HECTD4: variants seen among roughly 807,000 people sequenced by gnomAD.
The protein encoded by HECTD4 is HECT domain E3 ubiquitin protein ligase 4.
Under a neutral mutation model 471.5 loss-of-function variants are expected in HECTD4, and 114 were observed. The observed-to-expected ratio is 0.24, with a 90% CI of 0.21 to 0.28. The LOEUF (loss-of-function observed/expected upper bound fraction) is 0.28, where lower values mean the gene tolerates loss of function less well. Among genes scored for constraint, HECTD4 ranks in the 10% least tolerant of loss-of-function variants. The pLI, the probability that HECTD4 is intolerant of heterozygous loss-of-function variation, is 1.00. For missense variants in HECTD4, 3,866 were observed against 5,651.5 expected, an observed-to-expected ratio of 0.68 and a Z score of 10.13; for synonymous variants, 2,012 against 2,256.0, an observed-to-expected ratio of 0.89 and a Z score of 3.07.
At chr12:112,376,405 C>T (rs566606442) in intron 1 of HECTD4, among the ~76,000 whole-genome samples, 64 of 152,186 alleles carry the variant, frequency 4.2e-4, no homozygotes, top group Non-Finnish European at 4.6e-4. Flanking sequence ...CGCCACCACG[C>T]CCGGCTAATT....
Position 112,265,226 on chromosome 12 carries a change from C to T in HECTD4, c.2568G>A (p.Lys856=), listed in dbSNP as rs1471502324. 6.2e-7 allele frequency: 1 copy of T among 1,606,144 alleles called. No homozygotes were observed. Among genetic ancestry groups the T allele is most frequent in the Non-Finnish European group, 8.5e-7 (1 of 1,175,548 alleles). The change falls in exon 16 of 76, where the codon AAG becomes AAA. Residue 856 remains lysine (K), a synonymous_variant. Transcript: ENST00000682272. ...VVRESCILIT[K]CQTVSKDDFQ... is the part of the protein sequence containing the mutation. ...AATCATCTTTAGAGACAGTTTGGCA[C>T]TTGGTGATTAAGATACAGGATTCTC...
At position 112,247,524 on chromosome 12, in the gene HECTD4, T is replaced by C. The variant is rs775745258; in HGVS notation, c.4275A>G (p.Leu1425=). 3 of 1,530,870 alleles carry C rather than the reference T, an allele frequency of 2.0e-6. No homozygotes were observed. The highest frequency in any genetic ancestry group is 1.3e-5 in the South Asian group (1 of 79,648). 94.8% of individuals were successfully genotyped at this position (1,530,870 alleles called of 1,614,324 possible). ...NENKMKELEL[L]CSMKEVSFDG... is the part of the protein sequence containing the mutation. ...CAAAGGAGACTTCCTTCATTGAACA[T>C]AAAAGTTCTAGTTCTTTCATTTTGT... The change falls in exon 28 of 76, where the codon TTA becomes TTG. Residue 1425 remains leucine, a synonymous_variant. Transcript: ENST00000682272.
intron 37 of HECTD4, among the ~76,000 whole-genome samples, chr12:112,233,464 C>T (rs376829259): frequency 6.6e-6 from 1 of 152,010 alleles, no homozygotes; most frequent in South Asian, 2.1e-4. Context: ...CTCAAGCCAT[C>T]CTCCTGCCTT....
chr12:112,228,956 C>T lies in HECTD4; in HGVS notation c.6520-145G>A, dbSNP rs2033308731. The T allele has an allele frequency of 5.2e-6, 4 of 770,718 alleles. No homozygotes were observed. In the East Asian group the frequency reaches 1.0e-4, roughly 19 times the overall value. The allele number at this position is 770,718 out of a possible 1,614,324, so 47.7% of individuals were successfully genotyped here. On this transcript the variant is annotated intron_variant, in intron 41 of 75. Transcript: ENST00000682272. The surrounding 1 kb of genome is among the most constrained non-coding windows in gnomAD (Gnocchi z 4.9). The stretch of plus-strand genomic sequence containing the variant: ...TACTACTAGGGTAGCAGATACCAAG[C>T]CCTAGACATGACTTATAATAGGCCC...
At position 112,375,477 on chromosome 12, in the gene HECTD4, A is replaced by G. The variant is rs1450506783; in HGVS notation, c.177+6475T>C. On this transcript the variant is annotated intron_variant, in intron 1 of 75. Transcript: ENST00000682272. ...AATTTAAAATGAACTTCAACTGTGG[A>G]GTAAGAAATATCTTAGCCACCTTGG... Among the ~76,000 whole-genome samples the G allele has an allele frequency of 2.0e-5, 3 of 152,206 alleles. No homozygotes were observed. The South Asian group carries it at 6.2e-4, about 31-fold the overall frequency.
At position 112,170,442 on chromosome 12, in the gene HECTD4, G is replaced by T. The variant is rs763092592; in HGVS notation, c.11943C>A (p.Phe3981Leu). Residue 3981 changes from phenylalanine (F) to leucine (L), a missense_variant, in exon 69 of 76, where the codon TTC (phenylalanine) becomes TTA (leucine). By Grantham distance (22) the Phe-to-Leu change is conservative. Transcript: ENST00000682272. ...TCATCACGGTCACCTTCGTGTCATA[G>T]AAGATCAGCCCTAAGGAGAGGAACG... The part of the protein sequence containing the change: ...ALLKEAKGLI[F>L]YDTKVTVMNR... The T allele has an allele frequency of 2.5e-6, 4 of 1,613,794 alleles. No homozygotes were observed. Among genetic ancestry groups the T allele is most frequent in the Non-Finnish European group, 3.4e-6 (4 of 1,179,894 alleles).
intron 1 of HECTD4, among the ~76,000 whole-genome samples, chr12:112,361,312 A>AC (rs1390477431): frequency 6.6e-6 from 1 of 151,696 alleles, no homozygotes; most frequent in African/African-American, 2.4e-5. Context: ...ACAGAGTCTC[A>AC]CTCTGTCGCC....
At chr12:112,301,788 C>G in intron 7 of HECTD4, 1 of 533,098 alleles carries the variant, frequency 1.9e-6, no homozygotes, top group Non-Finnish European at 3.3e-6. Flanking sequence ...TACTCTATTT[C>G]TTCAGCTAGC....
intron 1 of HECTD4, among the ~76,000 whole-genome samples, chr12:112,373,470 C>T (rs1207761761): frequency 2.0e-5 from 3 of 151,030 alleles, no homozygotes; most frequent in Admixed American, 6.6e-5. Flanking sequence ...TGCAGTGAGC[C>T]GAGATCACGC....
chr12:112,276,757 T>C (rs928127162), intron 9 of HECTD4, among the ~76,000 whole-genome samples: 3 of 152,154 alleles, frequency 2.0e-5, no homozygotes, highest in Non-Finnish European at 4.4e-5. Flanking sequence ...AAACCCAATC[T>C]TTAAATGGAT....
At chr12:112,337,102 T>C (rs2035972200) in intron 1 of HECTD4, among the ~76,000 whole-genome samples, 1 of 152,216 alleles carries the variant, frequency 6.6e-6, no homozygotes, top group African/African-American at 2.4e-5. Context: ...GTTTTGCAGA[T>C]AGAAACTTTG....
At position 112,191,049 on chromosome 12, in the gene HECTD4, A is replaced by C. The variant is rs1283711318; in HGVS notation, c.9293-84T>G. 16 of 1,185,920 alleles carry C rather than the reference A, an allele frequency of 1.3e-5. No homozygotes were observed. The East Asian group carries it at 3.7e-4, about 27-fold the overall frequency. The allele number at this position is 1,185,920 out of a possible 1,614,324, so 73.5% of individuals were successfully genotyped here. On this transcript the variant is annotated intron_variant, in intron 59 of 75. Transcript: ENST00000682272. ...TCACAAAAGGTCCTGCCAGGTGTGC[A>C]TGTAGAAACAGGGCTGGAGAGCCCA...
At position 112,243,506 on chromosome 12, in the gene HECTD4, CT is replaced by C. The variant is rs752355338; in HGVS notation, c.4804del (p.Ser1602ValfsTer27). The C allele has an allele frequency of 6.2e-7, 1 of 1,605,118 alleles. No homozygotes were observed. Among genetic ancestry groups the C allele is most frequent in the Admixed American group, 1.7e-5 (1 of 58,572 alleles). On this transcript the variant is annotated frameshift_variant, in exon 32 of 76. Coordinates refer to ENST00000682272, the MANE Select transcript of HECTD4 (RefSeq NM_001388303.1). LOFTEE classifies it high-confidence loss of function. The surrounding 1 kb of genome is among the most constrained non-coding windows in gnomAD (Gnocchi z 6.6). ...CCTTGTCTGTGCAGCCAAAAGGAAA[CT>C]GCTGCTGGACACCTGAAACACACAA... Reference protein sequence around the residue: ...TNPDQAVSSSSFLLAAQTRWR... With the variant: ...TNPDQAVSSSXFLLAAQTRWR...
At chr12:112,351,796 T>C (rs576218526) in intron 1 of HECTD4, among the ~76,000 whole-genome samples, 7 of 152,364 alleles carry the variant, frequency 4.6e-5, no homozygotes, top group African/African-American at 1.4e-4. Flanking sequence ...ACCTACGTAG[T>C]AACATAGCCT....
At chr12:112,258,711 C>G in intron 19 of HECTD4, 115 bp from the exon 20 acceptor site, 3 of 767,210 alleles carry the variant, frequency 3.9e-6, no homozygotes, top group East Asian at 2.9e-5. Flanking sequence ...CTAGTCTGCT[C>G]TCCTTCATTA....
rs1002601412 is a variant in HECTD4 at position 112,163,522 on chromosome 12, C to T, written c.12897+20G>A. 57 of 1,451,080 alleles carry T rather than the reference C, an allele frequency of 3.9e-5. 1 individual carries two copies. The highest frequency in any genetic ancestry group is 4.9e-5 in the Non-Finnish European group (54 of 1,098,204). 89.9% of individuals were successfully genotyped at this position (1,451,080 alleles called of 1,614,324 possible). On this transcript the variant is annotated intron_variant, in intron 74 of 75. Transcript: ENST00000682272. This position sits in a 1 kb window ranked among gnomAD's most constrained non-coding sequence, Gnocchi z 8.2. The stretch of plus-strand genomic sequence containing the variant: ...TGGGGCTCACCACCTCCCCGCCCAG[C>T]CTGGCCCTGGGATGTCTACCTTGAG...
At position 112,256,310 on chromosome 12, in the gene HECTD4, TCTTA is replaced by T. The variant is rs751370748; in HGVS notation, c.3327+6_3327+9del. 1 of 1,555,358 alleles carries T rather than the reference TCTTA, an allele frequency of 6.4e-7. No individual in the cohort carries two copies. The highest frequency in any genetic ancestry group is 1.3e-5 in the South Asian group (1 of 79,406). On this transcript the variant is annotated splice_donor_region_variant and intron_variant, in intron 21 of 75. Transcript: ENST00000682272. ...GAGGTGGAACCAATAGTAACCCAGTTCTTACTTACTTTGTCATAGTCATATTGCG... is the reference window on the plus strand; with the variant it reads ...GAGGTGGAACCAATAGTAACCCAGTTCTTACTTTGTCATAGTCATATTGCG...
chr12:112,206,965 G>C (rs998175395), intron 52 of HECTD4, among the ~76,000 whole-genome samples: 3 of 152,154 alleles, frequency 2.0e-5, no homozygotes, highest in Non-Finnish European at 4.4e-5. Flanking sequence ...GCTGTGATTA[G>C]AGACAGACGC....
At chr12:112,195,126 G>T (rs1034941517) in intron 55 of HECTD4, 60 bp from the exon 56 acceptor site, 3 of 1,449,442 alleles carry the variant, frequency 2.1e-6, no homozygotes, top group African/African-American at 2.8e-5. Context: ...CCCATACCGG[G>T]ACCAGGCCGC....
Sources: allele counts gnomAD v4.1 joint callset (sites outside exome capture counted in the v4.1 genomes callset), GRCh38; gene constraint gnomAD v4.1.1; non-coding constraint Gnocchi (gnomAD v3.1); transcripts MANE v1.5; gene names NCBI Gene and HGNC (gene_info 2026-07-23, HGNC 2026-07-21).